The following MED13L variants were observed in gnomAD, a reference collection of about 807,000 sequenced individuals.
MED13L encodes the protein mediator complex subunit 13L, also known as mediator of RNA polymerase II transcription subunit 13-like.
Under a neutral mutation model 220.9 loss-of-function variants are expected in MED13L, and 7 were observed. The observed-to-expected ratio is 0.03, with a 90% confidence interval of 0.02 to 0.06. The LOEUF is 0.06. Ranked by LOEUF, MED13L falls within the 10% of genes least tolerant of loss-of-function variation. MED13L has a pLI of 1.00. For missense variants in MED13L, 1,965 were observed against 2,760.5 expected (o/e 0.71, Z 6.46); for synonymous variants, 1,011 against 1,015.2 (o/e 1.00, Z 0.08).
intron 2 of MED13L, among the ~76,000 whole-genome samples, chr12:116,192,030 A>C (rs1881322153): frequency 2.0e-5 from 3 of 152,242 alleles, no homozygotes; most frequent in Admixed American, 6.5e-5. Flanking sequence ...GTGCTAAAAT[A>C]TTAATATCCA....
chr12:116,044,212 A>G (rs998876403), intron 4 of MED13L, among the ~76,000 whole-genome samples: 1 of 152,224 alleles, frequency 6.6e-6, no homozygotes, highest in African/African-American at 2.4e-5. Context: ...TAGTTTCAGA[A>G]ATTTCAAAGC....
intron 1 of MED13L, among the ~76,000 whole-genome samples, chr12:116,268,106 T>G (rs1466790211): frequency 6.6e-6 from 1 of 152,180 alleles, no homozygotes; most frequent in South Asian, 2.1e-4. Flanking sequence ...AGATAGTTAA[T>G]GAGCACCTAG....
intron 4 of MED13L, among the ~76,000 whole-genome samples, chr12:116,043,555 C>T (rs938988813): frequency 1.3e-5 from 2 of 152,128 alleles, no homozygotes; most frequent in Admixed American, 6.5e-5. Context: ...GTAAAACATG[C>T]TCTAAAACAT....
At chr12:116,054,237 C>T (rs568559650) in intron 4 of MED13L, among the ~76,000 whole-genome samples, 1 of 151,482 alleles carries the variant, frequency 6.6e-6, no homozygotes, top group Admixed American at 6.6e-5. Context: ...CACACACGTA[C>T]GTCTTACCCT....
intron 1 of MED13L, among the ~76,000 whole-genome samples, chr12:116,239,344 A>C (rs1405720690): frequency 6.6e-6 from 1 of 152,180 alleles, no homozygotes; most frequent in Non-Finnish European, 1.5e-5. Flanking sequence ...AAAGCACTAC[A>C]TGGCCAATAT....
rs1427255705 is a variant in MED13L at position 115,980,922 on chromosome 12, T to C, written c.5192A>G (p.Tyr1731Cys). ...SFILQIVPCQ[Y>C]MLQTMKDEQV... ...CTCATCCTTCATTGTCTGCAGCATGTACTGGCAAGGCACAATCTAAAGACA... is the reference window on the plus strand; with the variant it reads ...CTCATCCTTCATTGTCTGCAGCATGCACTGGCAAGGCACAATCTAAAGACA... The change falls in exon 23 of 31, where the codon TAC (tyrosine) becomes TGC (cysteine). Residue 1731 changes from tyrosine (Y) to cysteine (C), a missense_variant. By Grantham distance (194) the Tyr-to-Cys change is radical (BLOSUM62 -2). Around this residue, in one of 10 missense-constraint regions of MED13L, gnomAD observed 510 missense variants for 620.4 expected, o/e 0.82. Transcript: ENST00000281928. 1 of 1,611,570 alleles carries C rather than the reference T, an allele frequency of 6.2e-7. No homozygotes were observed. The highest frequency in any genetic ancestry group is 8.5e-7 in the Non-Finnish European group (1 of 1,179,910).
intron 4 of MED13L, among the ~76,000 whole-genome samples, chr12:116,060,103 A>T (rs946465761): frequency 6.6e-6 from 1 of 152,122 alleles, no homozygotes; most frequent in African/African-American, 2.4e-5. Flanking sequence ...GAGGAATGCA[A>T]ACTAAGCGCA....
chr12:116,173,165 T>C (rs1228420022), intron 2 of MED13L, among the ~76,000 whole-genome samples: 2 of 150,662 alleles, frequency 1.3e-5, no homozygotes, highest in African/African-American at 4.9e-5. Flanking sequence ...AAAAAAACTA[T>C]CACTCATGGA....
chr12:116,245,141 G>A (rs1176455781), intron 1 of MED13L, among the ~76,000 whole-genome samples: 1 of 152,088 alleles, frequency 6.6e-6, no homozygotes, highest in Non-Finnish European at 1.5e-5. Flanking sequence ...CACGGAACCA[G>A]AGTGAAAACA....
rs545899290 is a variant in MED13L, at chr12:116,018,263, G to A, written c.1009+961C>T. 9.1e-4 allele frequency among the ~76,000 whole-genome samples: 139 copies of A among 152,250 alleles called. 7 individuals carry two copies. In the South Asian group the frequency reaches 0.026, roughly 29 times the overall value. On this transcript the variant is annotated intron_variant, in intron 7 of 30. Coordinates refer to ENST00000281928, the MANE Select transcript of MED13L (RefSeq NM_015335.5). Reference sequence around the variant, plus strand: ...ATAGCCAGGTTTTACAACGAGGTGCGCTCAATCACAAAGTATATGCTTTTC... The same window carrying A: ...ATAGCCAGGTTTTACAACGAGGTGCACTCAATCACAAAGTATATGCTTTTC...
intron 2 of MED13L, among the ~76,000 whole-genome samples, chr12:116,163,409 C>T (rs1565907341): frequency 6.7e-6 from 1 of 149,178 alleles, no homozygotes; most frequent in Non-Finnish European, 1.5e-5. Context: ...CTGTCACCCA[C>T]GCTGGAGGGC....
chr12:116,017,823 C>G (rs903751012), intron 7 of MED13L, among the ~76,000 whole-genome samples: 3 of 152,036 alleles, frequency 2.0e-5, no homozygotes, highest in Non-Finnish European at 4.4e-5. Flanking sequence ...ACCATGTTGC[C>G]CAGGATGGTC....
chr12:115,997,561 A>G (rs1878484320), intron 14 of MED13L, among the ~76,000 whole-genome samples: 1 of 152,208 alleles, frequency 6.6e-6, no homozygotes, highest in African/African-American at 2.4e-5. Flanking sequence ...AGCTGGGACT[A>G]TAGGCACGTG....
intron 2 of MED13L, among the ~76,000 whole-genome samples, chr12:116,202,406 T>C (rs748561355): frequency 2.0e-5 from 3 of 152,104 alleles, no homozygotes; most frequent in Non-Finnish European, 2.9e-5. Context: ...TTTTAAAAGA[T>C]AAAGAAAAAC....
intron 2 of MED13L, among the ~76,000 whole-genome samples, chr12:116,136,136 C>T (rs1490195538): frequency 6.6e-6 from 1 of 152,132 alleles, no homozygotes; most frequent in Non-Finnish European, 1.5e-5. Context: ...TTTCTGACCT[C>T]ATGATCCACC....
intron 26 of MED13L, among the ~76,000 whole-genome samples, chr12:115,971,372 T>C (rs1449486742): frequency 6.6e-6 from 1 of 152,216 alleles, no homozygotes; most frequent in African/African-American, 2.4e-5. Context: ...ACTGGATTGA[T>C]GACAAGTAAC....
At position 116,033,185 on chromosome 12, in the gene MED13L, C is replaced by T. The variant is rs143674266; in HGVS notation, c.480-10584G>A. On this transcript the variant is annotated intron_variant, in intron 4 of 30. Transcript: ENST00000281928. Reference sequence around the variant, plus strand: ...GTTTGTTCCACAGCTTTACACTTGCCACCTTTTTTATTTTTAAAAATCAAT... The same window carrying T: ...GTTTGTTCCACAGCTTTACACTTGCTACCTTTTTTATTTTTAAAAATCAAT... 4.4e-3 allele frequency among the ~76,000 whole-genome samples: 667 copies of T among 152,060 alleles called. 3 individuals are homozygous for T. Among genetic ancestry groups the T allele is most frequent in the Non-Finnish European group, 7.0e-3 (478 of 67,970 alleles).
At chr12:116,137,413 T>C (rs1407056322) in intron 2 of MED13L, among the ~76,000 whole-genome samples, 1 of 152,150 alleles carries the variant, frequency 6.6e-6, no homozygotes, top group African/African-American at 2.4e-5. Context: ...AATTATGTAA[T>C]TTTCTCAAGG....
intron 2 of MED13L, among the ~76,000 whole-genome samples, chr12:116,178,175 C>T (rs1215571072): frequency 6.6e-6 from 1 of 152,044 alleles, no homozygotes; most frequent in Admixed American, 6.6e-5. Flanking sequence ...CTCCCAGATA[C>T]AATTGTTAAT....
Sources: gnomAD v4.1 joint callset for allele counts (sites outside exome capture counted in the v4.1 genomes callset) on GRCh38, gnomAD v4.1.1 for gene constraint, gnomAD v4.1.1 regional missense constraint, MANE v1.5 for transcripts, NCBI Gene and HGNC (gene_info 2026-07-23, HGNC 2026-07-21) for gene names.